The following TMC1 variants were observed in gnomAD, a reference collection of about 807,000 sequenced individuals.
The protein encoded by TMC1 is transmembrane channel-like protein 1.
Under a neutral mutation model 105.8 loss-of-function variants are expected in TMC1, and 84 were observed. That is an observed-to-expected ratio of 0.79 (90% confidence interval 0.67 to 0.95). TMC1 has a LOEUF of 0.95. Among genes scored for constraint, TMC1 ranks in the 40% least tolerant of loss-of-function variants. The probability of loss-of-function intolerance (pLI) is 0.00; values close to 1 mark genes in which losing one functional copy is unlikely to be tolerated. For synonymous variants in TMC1, 315 were observed against 311.5 expected (o/e 1.01, Z -0.12); for missense variants, 817 against 914.1 (o/e 0.89, Z 1.37).
rs1286312630 is a variant in TMC1 at position 72,805,458 on chromosome 9, GT to G, written c.1647del (p.Phe549LeufsTer2). ...CTCATTGGGGACTTTCTAAGGGCATGTTTTGTGAGGTTTTGCAATTATTGCT... is the reference window on the plus strand; with the variant it reads ...CTCATTGGGGACTTTCTAAGGGCATGTTTGTGAGGTTTTGCAATTATTGCT... ...TILIGDFLRACFVRFCNYCWC... is the reference protein window; with the variant it reads ...TILIGDFLRAXFVRFCNYCWC... On this transcript the variant is annotated frameshift_variant, in exon 18 of 24. Coordinates refer to ENST00000297784, the MANE Select transcript of TMC1 (RefSeq NM_138691.3). LOFTEE classifies it high-confidence loss of function. 6.2e-7 allele frequency: 1 copy of G among 1,612,748 alleles called. No homozygotes were observed. Among genetic ancestry groups the G allele is most frequent in the Non-Finnish European group, 8.5e-7 (1 of 1,179,570 alleles).
At chr9:72,621,036 G>A (rs1198959656) in intron 3 of TMC1, among the ~76,000 whole-genome samples, 1 of 152,124 alleles carries the variant, frequency 6.6e-6, no homozygotes, top group East Asian at 1.9e-4. Context: ...CTTAGAAGAA[G>A]GCTCCCCTTA....
intron 8 of TMC1, among the ~76,000 whole-genome samples, chr9:72,724,291 G>C (rs1827079507): frequency 6.6e-6 from 1 of 152,178 alleles, no homozygotes; most frequent in Non-Finnish European, 1.5e-5. Context: ...TCATCCAATG[G>C]TGGAAGGCAT....
intron 5 of TMC1, among the ~76,000 whole-genome samples, chr9:72,687,738 A>G (rs920682927): frequency 1.4e-4 from 21 of 152,166 alleles, no homozygotes; most frequent in Non-Finnish European, 2.8e-4. Context: ...CAGTGAGTGA[A>G]CAGAAACAAA....
At chr9:72,673,659 T>C (rs546387469) in intron 5 of TMC1, among the ~76,000 whole-genome samples, 1 of 152,188 alleles carries the variant, frequency 6.6e-6, no homozygotes, top group East Asian at 1.9e-4. Context: ...GCCAATAAAT[T>C]TGACAACTTA....
At chr9:72,599,041 C>A (rs1292139276) in intron 2 of TMC1, among the ~76,000 whole-genome samples, 1 of 150,922 alleles carries the variant, frequency 6.6e-6, no homozygotes, top group African/African-American at 2.4e-5. Flanking sequence ...ATTTTTTTTT[C>A]TTTTTTTGAG....
intron 4 of TMC1, among the ~76,000 whole-genome samples, chr9:72,631,353 A>C (rs2132135744): frequency 6.6e-6 from 1 of 152,324 alleles, no homozygotes; most frequent in African/African-American, 2.4e-5. Context: ...TTTCTGATAA[A>C]TCTATTGCTG....
intron 3 of TMC1, among the ~76,000 whole-genome samples, chr9:72,621,659 T>A (rs890020251): frequency 2.6e-5 from 4 of 152,202 alleles, no homozygotes; most frequent in African/African-American, 9.7e-5. Flanking sequence ...AAAAGCTGGC[T>A]AAACTGGGCA....
chr9:72,623,534 T>A (rs1247351396), intron 3 of TMC1, among the ~76,000 whole-genome samples: 4 of 152,160 alleles, frequency 2.6e-5, no homozygotes, highest in Non-Finnish European at 5.9e-5. Context: ...AGATCTTTAA[T>A]CCAGAAAACC....
chr9:72,807,480 A>G (rs1324305545), intron 18 of TMC1, among the ~76,000 whole-genome samples: 2 of 152,212 alleles, frequency 1.3e-5, no homozygotes, highest in Admixed American at 1.3e-4. Flanking sequence ...AATTAGCACA[A>G]GATAGCAAAA....
chr9:72,795,200 A>G (rs1183809122), intron 17 of TMC1, among the ~76,000 whole-genome samples: 2 of 152,232 alleles, frequency 1.3e-5, no homozygotes, highest in Non-Finnish European at 2.9e-5. Context: ...CTTGGAAAAC[A>G]TATTTTAGGA....
At chr9:72,529,318 G>A (rs2132056200) in intron 1 of TMC1, among the ~76,000 whole-genome samples, 1 of 152,234 alleles carries the variant, frequency 6.6e-6, no homozygotes, top group East Asian at 1.9e-4. Context: ...CCGGTGTGGT[G>A]GCGGGCACTT....
intron 1 of TMC1, among the ~76,000 whole-genome samples, 165 bp downstream of exon 1, chr9:72,522,078 C>T (rs1396327108): frequency 1.3e-5 from 2 of 152,100 alleles, no homozygotes; most frequent in East Asian, 3.8e-4. Flanking sequence ...AAATCTCCCC[C>T]AGTTAGGATA....
At chr9:72,562,966 A>G (rs901687597) in intron 1 of TMC1, among the ~76,000 whole-genome samples, 1 of 152,070 alleles carries the variant, frequency 6.6e-6, no homozygotes, top group Non-Finnish European at 1.5e-5. Flanking sequence ...CTCCGTCTCA[A>G]ATAAAATAAA....
At chr9:72,772,264 C>A in intron 12 of TMC1, 149 bp from the exon 13 acceptor site, 2 of 958,660 alleles carry the variant, frequency 2.1e-6, no homozygotes, top group East Asian at 2.4e-5. Flanking sequence ...GAAACATTCA[C>A]TTTATGGAGC....
At position 72,575,907 on chromosome 9, in the gene TMC1, T is replaced by TCACA. The variant is rs34081096; in HGVS notation, c.-427-1978_-427-1975dup. Among the ~76,000 whole-genome samples, 18 of 151,118 alleles carry TCACA rather than the reference T, an allele frequency of 1.2e-4. 1 individual carries two copies. The highest frequency in any genetic ancestry group is 6.3e-4 in the South Asian group (3 of 4,780). On this transcript the variant is annotated intron_variant, in intron 1 of 23. Coordinates refer to ENST00000297784, the MANE Select transcript of TMC1 (RefSeq NM_138691.3). ...GAAAGAGGGCCAGTTGAAACTGGGC[T>TCACA]CACACACACACACACACACAAACTA...
intron 23 of TMC1, among the ~76,000 whole-genome samples, chr9:72,835,747 CA>C (rs909750390): frequency 1.4e-5 from 2 of 147,158 alleles, no homozygotes; most frequent in African/African-American, 5.0e-5. Flanking sequence ...GAAGCCTTTG[CA>C]AACTAAGAAA....
intron 8 of TMC1, among the ~76,000 whole-genome samples, chr9:72,731,224 G>A (rs1827207729): frequency 6.6e-6 from 1 of 152,154 alleles, no homozygotes; most frequent in South Asian, 2.1e-4. Flanking sequence ...TTAAGTACTG[G>A]GAAATTAGTA....
chr9:72,582,946 C>T (rs909030025), intron 2 of TMC1, among the ~76,000 whole-genome samples: 3 of 152,098 alleles, frequency 2.0e-5, no homozygotes, highest in Non-Finnish European at 2.9e-5. Context: ...CAGGGCTGGG[C>T]GCAGTGGTTC....
intron 5 of TMC1, chr9:72,655,915 T>C (rs1420803632): frequency 1.3e-6 from 1 of 799,158 alleles, no homozygotes; most frequent in African/African-American, 1.7e-5. Context: ...TCAGAAGGAC[T>C]GAGCAAGTCA....
Sources: allele counts gnomAD v4.1 joint callset (sites outside exome capture counted in the v4.1 genomes callset), GRCh38; gene constraint gnomAD v4.1.1; transcripts MANE v1.5; gene names NCBI Gene and HGNC (gene_info 2026-07-23, HGNC 2026-07-21).